POLRMT: variants seen among roughly 807,000 people sequenced by gnomAD.
The protein encoded by POLRMT is DNA-directed RNA polymerase, mitochondrial.
A neutral mutation model predicts 132.2 loss-of-function variants in POLRMT; 114 were observed. That is an observed-to-expected ratio of 0.86 (90% CI 0.74 to 1.01). The LOEUF is 1.01. Ranked by LOEUF, POLRMT falls within the 50% of genes least tolerant of loss-of-function variation. The probability of loss-of-function intolerance (pLI) is 0.00; values close to 1 mark genes in which losing one functional copy is unlikely to be tolerated. For synonymous variants in POLRMT, 1,020 were observed against 773.4 expected (o/e 1.32, Z -5.29); for missense variants, 2,003 against 1,729.1 (o/e 1.16, Z -2.81).
At position 618,984 on chromosome 19, in the gene POLRMT, G is replaced by A. The variant is rs771274352; in HGVS notation, c.3267+13C>T. On this transcript the variant is annotated intron_variant, in intron 15 of 20. Transcript: ENST00000588649. ...TGGTGGCACACTGGGGAGGGATGGG[G>A]TGGTACACTGACCTTGACCTTGGAG... 3 of 1,555,340 alleles carry A rather than the reference G, an allele frequency of 1.9e-6. No homozygotes were observed. The highest frequency in any genetic ancestry group is 1.4e-5 in the African/African-American group (1 of 73,552).
chr19:620,263 C>T, intron 11 of POLRMT, 102 bp downstream of exon 11: 1 of 1,460,208 alleles, frequency 6.8e-7, no homozygotes, highest in South Asian at 1.4e-5. Context: ...AGGACCACCT[C>T]CAGAGAATAC....
chr19:633,372 G>A (rs759273765), intron 1 of POLRMT, 53 bp downstream of exon 1: 37 of 1,440,970 alleles, frequency 2.6e-5, no homozygotes, highest in East Asian at 8.5e-5. Context: ...GCCGCGCGGG[G>A]AGGAGCCCAC....
Position 619,625 on chromosome 19 carries a change from C to A in POLRMT, c.3027G>T (p.Gln1009His). The A allele has an allele frequency of 6.2e-7, 1 of 1,610,872 alleles. No homozygotes were observed. The highest frequency in any genetic ancestry group is 8.5e-7 in the Non-Finnish European group (1 of 1,179,670). ...TCAGCTCCCGGAGGCGCTTCTCAAT[C>A]TGCAGGCGCCCGCCATAGCGCGTGA... ...YGVTRYGGRL[Q>H]IEKRLRELSD... The change falls in exon 13 of 21, where the codon CAG becomes CAT. Residue 1009 changes from glutamine to histidine, a missense_variant. Gln to His is a conservative substitution (Grantham distance 24). Transcript: ENST00000588649.
chr19:633,184 GC>G, intron 1 of POLRMT: 1 of 598,466 alleles, frequency 1.7e-6, no homozygotes, highest in South Asian at 2.7e-5. Context: ...AAGGTTAAGA[GC>G]CCTAAACACC....
At chr19:622,487 G>C (rs1984692594) in intron 8 of POLRMT, 95 bp downstream of exon 8, 2 of 1,478,340 alleles carry the variant, frequency 1.4e-6, no homozygotes, top group South Asian at 1.4e-5. Flanking sequence ...CAGATGAACA[G>C]ACTGAAGCTT....
Position 621,347 on chromosome 19 carries a change from G to C in POLRMT, c.2351C>G (p.Ser784Trp), listed in dbSNP as rs780661424. ...GCGGTCCCGCAGGTGCTGCGCCAGCGAGAGGCGGTACAGCGCCTCCGCCCG... is the reference window on the plus strand; with the variant it reads ...GCGGTCCCGCAGGTGCTGCGCCAGCCAGAGGCGGTACAGCGCCTCCGCCCG... ...SLRAEALYRLSLAQHLRDRVF... is the reference protein window; with the variant it reads ...SLRAEALYRLWLAQHLRDRVF... Residue 784 changes from serine to tryptophan, a missense_variant, in exon 10 of 21, where the codon TCG (serine) becomes TGG (tryptophan). By Grantham distance (177) the Ser-to-Trp change is radical (BLOSUM62 -3). Transcript: ENST00000588649. 7 of 1,584,044 alleles carry C rather than the reference G, an allele frequency of 4.4e-6. No individual in the cohort carries two copies. Among genetic ancestry groups the C allele is most frequent in the South Asian group, 1.1e-5 (1 of 89,378 alleles).
chr19:624,197 G>A (rs530689585), intron 5 of POLRMT, among the ~76,000 whole-genome samples: 8 of 152,326 alleles, frequency 5.3e-5, no homozygotes, highest in African/African-American at 1.9e-4. Flanking sequence ...CACGCTCAGT[G>A]GGAGATGCCA....
At chr19:630,776 C>T (rs1451842730) in intron 2 of POLRMT, among the ~76,000 whole-genome samples, 3 of 152,244 alleles carry the variant, frequency 2.0e-5, no homozygotes, top group Non-Finnish European at 2.9e-5. Flanking sequence ...AGGGAAAACG[C>T]GGCTCCTGCT....
chr19:625,352 C>A (rs529606915), intron 3 of POLRMT, 98 bp from the exon 4 acceptor site: 5 of 1,513,824 alleles, frequency 3.3e-6, no homozygotes, highest in African/African-American at 2.8e-5. Flanking sequence ...ACCAGCTCAG[C>A]AGGGGACAGG....
At chr19:619,132 A>G in intron 14 of POLRMT, 22 bp from the exon 15 acceptor site, 1 of 1,610,890 alleles carries the variant, frequency 6.2e-7, no homozygotes, top group South Asian at 1.1e-5. Context: ...AGGCCGTCTC[A>G]GGGCAGGGGG....
At chr19:619,512 G>A (rs985689366) in intron 13 of POLRMT, 74 bp downstream of exon 13, 16 of 1,570,926 alleles carry the variant, frequency 1.0e-5, no homozygotes, top group South Asian at 5.7e-5. Flanking sequence ...GGGAGGCTGG[G>A]TCGGGGGCAC....
chr19:618,486 A>AC lies in POLRMT; in HGVS notation c.3422+1dup. On this transcript the variant is annotated splice_donor_variant, in intron 17 of 20. Transcript: ENST00000588649. LOFTEE classifies it high-confidence loss of function. Reference sequence around the variant, plus strand: ...GCACCCACGCCGTCCGGAGACGCCCACCTGTAGCAGTGCAGGGCGGTGAGC... The same window carrying AC: ...GCACCCACGCCGTCCGGAGACGCCCACCCTGTAGCAGTGCAGGGCGGTGAGC... 1 of 1,596,962 alleles carries AC rather than the reference A, an allele frequency of 6.3e-7. No homozygotes were observed. The highest frequency in any genetic ancestry group is 8.6e-7 in the Non-Finnish European group (1 of 1,167,406).
chr19:630,169 CTG>C lies in POLRMT; in HGVS notation c.194-3_194-2del, dbSNP rs1330227623. 2.1e-5 allele frequency: 34 copies of C among 1,584,654 alleles called. No homozygotes were observed. Among genetic ancestry groups the C allele is most frequent in the Non-Finnish European group, 2.8e-5 (33 of 1,163,868 alleles). On this transcript the variant is annotated splice_acceptor_variant and splice_polypyrimidine_tract_variant and intron_variant, in intron 2 of 20. Coordinates refer to ENST00000588649, the MANE Select transcript of POLRMT (RefSeq NM_005035.4). LOFTEE classifies it high-confidence loss of function. The stretch of plus-strand genomic sequence containing the variant: ...AGCTGCCGCACCCGCGCCTGGAGCA[CTG>C]TGAGGGGCAGAAGGCGAGGACATGA...
intron 8 of POLRMT, 101 bp downstream of exon 8, chr19:622,481 T>G: frequency 6.8e-7 from 1 of 1,474,920 alleles, no homozygotes; most frequent in Non-Finnish European, 9.0e-7. Context: ...AGCATACAGA[T>G]GAACAGACTG....
At chr19:631,142 GAAC>G (rs765790093) in intron 2 of POLRMT, among the ~76,000 whole-genome samples, 1 of 150,472 alleles carries the variant, frequency 6.6e-6, no homozygotes, top group Non-Finnish European at 1.5e-5. Flanking sequence ...CTGGGCAACA[GAAC>G]AATAATCCAT....
rs766996006 is a variant in POLRMT, at chr19:617,808, G to A, written c.3464C>T (p.Thr1155Ile). 5 of 1,613,240 alleles carry A rather than the reference G, an allele frequency of 3.1e-6. No individual in the cohort carries two copies. The highest frequency in any genetic ancestry group is 3.3e-5 in the Admixed American group (2 of 60,000). ...TFVSVHDCYW[T>I]HAADVSVMNQ... ...CATGACGGAGACATCAGCTGCGTGA[G>A]TCCAGTAACAGTCGTGCACAGAGAC... The change falls in exon 18 of 21, where the codon ACT becomes ATT. Residue 1155 changes from threonine to isoleucine, a missense_variant. Thr to Ile is a moderately conservative substitution (Grantham distance 89, BLOSUM62 -1). Coordinates refer to ENST00000588649, the MANE Select transcript of POLRMT (RefSeq NM_005035.4).
At position 632,836 on chromosome 19, in the gene POLRMT, T is replaced by C. The variant is rs1214069706; in HGVS notation, c.191A>G (p.Glu64Gly). The change falls in exon 2 of 21, where the codon GAG becomes GGG. Residue 64 changes from glutamate to glycine, a missense_variant and splice_region_variant. Transcript: ENST00000588649. ...RKDWGHVELL[E>G]VLQARVRQLQ... ...GCCGCCGTGGGGGTCGCGCTCACCC[T>C]CCAGCAGCTCCACGTGGCCCCAGTC... 3.9e-6 allele frequency: 6 copies of C among 1,537,584 alleles called. No homozygotes were observed. The highest frequency in any genetic ancestry group is 5.2e-6 in the Non-Finnish European group (6 of 1,144,234).
chr19:620,254 G>A (rs1236312495), intron 11 of POLRMT, 111 bp downstream of exon 11: 17 of 1,459,066 alleles, frequency 1.2e-5, no homozygotes, highest in Middle Eastern at 1.9e-4. Context: ...GCACACTCTA[G>A]GACCACCTCC....
In POLRMT at chr19:623,434, G is replaced by T; in HGVS notation, c.1290+20C>A. On this transcript the variant is annotated intron_variant, in intron 6 of 20. Coordinates refer to ENST00000588649, the MANE Select transcript of POLRMT (RefSeq NM_005035.4). ...GGCTCAGCCCCTGCGGCGGACACGGGACCCCGGCTCAGCCCCTACCGCGTG... is the reference window on the plus strand; with the variant it reads ...GGCTCAGCCCCTGCGGCGGACACGGTACCCCGGCTCAGCCCCTACCGCGTG... 1.9e-6 allele frequency: 3 copies of T among 1,608,924 alleles called. No homozygotes were observed. The highest frequency in any genetic ancestry group is 1.1e-5 in the South Asian group (1 of 90,962).
Sources: allele counts gnomAD v4.1 joint callset (sites outside exome capture counted in the v4.1 genomes callset), GRCh38; gene constraint gnomAD v4.1.1; transcripts MANE v1.5; gene names NCBI Gene and HGNC (gene_info 2026-07-23, HGNC 2026-07-21).